Variants in PPIL6 observed in about 807,000 individuals in gnomAD.
PPIL6 encodes probable inactive peptidyl-prolyl cis-trans isomerase-like 6.
Under a neutral mutation model 36.8 loss-of-function variants are expected in PPIL6, and 39 were observed. That is an observed-to-expected ratio of 1.06 (90% CI 0.82 to 1.38). The LOEUF (loss-of-function observed/expected upper bound fraction) is 1.38. PPIL6 is among the 40% of genes most tolerant of loss of function. The pLI is 0.00. For synonymous variants in PPIL6, 123 were observed against 134.1 expected (o/e 0.92, Z 0.57); for missense variants, 368 against 379.1 (o/e 0.97, Z 0.24).
intron 7 of PPIL6, among the ~76,000 whole-genome samples, chr6:109,395,240 C>T (rs1772247164): frequency 1.3e-5 from 2 of 152,140 alleles, no homozygotes; most frequent in African/African-American, 4.8e-5. Context: ...AAACCCATCT[C>T]TACTAAAAAT....
chr6:109,397,357 T>C (rs1339732730), intron 7 of PPIL6, among the ~76,000 whole-genome samples: 2 of 152,014 alleles, frequency 1.3e-5, no homozygotes, highest in African/African-American at 2.4e-5. Context: ...ATTGCCGCCC[T>C]GTAACGCTCT....
intron 7 of PPIL6, among the ~76,000 whole-genome samples, chr6:109,396,008 A>AT (rs1049815259): frequency 6.7e-5 from 10 of 149,164 alleles, no homozygotes; most frequent in South Asian, 2.1e-4. Context: ...AATTTTTTGT[A>AT]TTTTTTTTAG....
intron 6 of PPIL6, among the ~76,000 whole-genome samples, chr6:109,415,625 A>G (rs1773214028): frequency 3.3e-5 from 5 of 152,190 alleles, no homozygotes; most frequent in Admixed American, 3.3e-4. Context: ...AATTTTCTCC[A>G]GCGGAAACTT....
At chr6:109,435,446 C>A (rs547869764) in intron 2 of PPIL6, among the ~76,000 whole-genome samples, 5 of 151,900 alleles carry the variant, frequency 3.3e-5, no homozygotes, top group Non-Finnish European at 5.9e-5. Flanking sequence ...TATAGGCACG[C>A]GCCACCATGC....
chr6:109,423,425 A>G (rs1773654297), intron 5 of PPIL6, among the ~76,000 whole-genome samples: 1 of 152,288 alleles, frequency 6.6e-6, no homozygotes, highest in South Asian at 2.1e-4. Flanking sequence ...AAGCCAGTTA[A>G]TAAAATTTTC....
intron 6 of PPIL6, among the ~76,000 whole-genome samples, chr6:109,408,386 C>T (rs1037691218): frequency 8.5e-5 from 13 of 152,118 alleles, no homozygotes; most frequent in Admixed American, 8.5e-4. Context: ...TGTTCTGCTT[C>T]AAATTGTCAG....
At chr6:109,438,930 T>C (rs773071825) in intron 1 of PPIL6, among the ~76,000 whole-genome samples, 1 of 152,216 alleles carries the variant, frequency 6.6e-6, no homozygotes, top group African/African-American at 2.4e-5. Context: ...TTTCACGTTA[T>C]GTGAAAATTA....
intron 7 of PPIL6, among the ~76,000 whole-genome samples, chr6:109,394,088 C>T (rs898373954): frequency 2.6e-5 from 4 of 151,856 alleles, no homozygotes; most frequent in African/African-American, 9.7e-5. Context: ...ATGCTAGTTT[C>T]GACTGGATGT....
At chr6:109,394,678 A>G (rs1772225151) in intron 7 of PPIL6, among the ~76,000 whole-genome samples, 1 of 152,182 alleles carries the variant, frequency 6.6e-6, no homozygotes, top group African/African-American at 2.4e-5. Flanking sequence ...CCAATAAAAA[A>G]CCATGACACA....
At chr6:109,403,204 GCTCAAGGCCTCCTGC>G in intron 6 of PPIL6, 1 of 771,870 alleles carries the variant, frequency 1.3e-6, no homozygotes, top group Non-Finnish European at 1.9e-6. Flanking sequence ...GAACTCCTGG[GCTCAAGGCCTCCTGC>G]CTCAACCTCC....
chr6:109,432,998 G>A (rs1331401072), intron 2 of PPIL6, among the ~76,000 whole-genome samples: 2 of 151,976 alleles, frequency 1.3e-5, no homozygotes, highest in Non-Finnish European at 2.9e-5. Context: ...CCAGTTGGTC[G>A]ATACTTCCTG....
chr6:109,395,825 C>T (rs1220070563), intron 7 of PPIL6, among the ~76,000 whole-genome samples: 5 of 139,182 alleles, frequency 3.6e-5, no homozygotes, highest in Admixed American at 1.5e-4. Flanking sequence ...AGGATGGTCT[C>T]GATCTCTTTT....
At chr6:109,435,760 T>TAAAAAAATACA (rs1554222288) in intron 2 of PPIL6, among the ~76,000 whole-genome samples, 1 of 151,862 alleles carries the variant, frequency 6.6e-6, no homozygotes, top group African/African-American at 2.4e-5. Context: ...CCCCATCTGT[T>TAAAAAAATACA]AAAAAAATAC....
chr6:109,402,538 G>GAA (rs911366636), intron 6 of PPIL6, among the ~76,000 whole-genome samples: 1 of 137,328 alleles, frequency 7.3e-6, no homozygotes, highest in African/African-American at 2.7e-5. Context: ...TCGGTCTCAA[G>GAA]AAAAAAAAAA....
intron 6 of PPIL6, 113 bp from the exon 7 acceptor site, chr6:109,400,283 T>C (rs1772476124): frequency 1.2e-6 from 1 of 802,868 alleles, no homozygotes; most frequent in Non-Finnish European, 1.9e-6. Flanking sequence ...TATTTATCAA[T>C]GGATTCCAAA....
chr6:109,412,775 T>A (rs1773068048), intron 6 of PPIL6, among the ~76,000 whole-genome samples: 1 of 152,164 alleles, frequency 6.6e-6, no homozygotes, highest in African/African-American at 2.4e-5. Context: ...CCTCAAACTA[T>A]GAAACTACTA....
chr6:109,435,460 G>C (rs1177561711), intron 2 of PPIL6, among the ~76,000 whole-genome samples: 1 of 151,980 alleles, frequency 6.6e-6, no homozygotes, highest in Non-Finnish European at 1.5e-5. Context: ...ACCATGCCCA[G>C]CTAATTTTTG....
intron 6 of PPIL6, among the ~76,000 whole-genome samples, chr6:109,414,693 A>G (rs1773169332): frequency 6.6e-6 from 1 of 151,780 alleles, no homozygotes; most frequent in Non-Finnish European, 1.5e-5. Flanking sequence ...CATGTTGCCC[A>G]GGCTTCTTTT....
chr6:109,395,567 G>A (rs1221129739), intron 7 of PPIL6, among the ~76,000 whole-genome samples: 2 of 151,068 alleles, frequency 1.3e-5, no homozygotes, highest in East Asian at 2.0e-4. Flanking sequence ...GACAGTGCTG[G>A]CCTGGACTCC....
Sources: gnomAD v4.1 joint callset for allele counts (sites outside exome capture counted in the v4.1 genomes callset) on GRCh38, gnomAD v4.1.1 for gene constraint, MANE v1.5 for transcripts, NCBI Gene and HGNC (gene_info 2026-07-23, HGNC 2026-07-21) for gene names.